CDH11: variants seen among roughly 807,000 people sequenced by gnomAD.
CDH11 encodes the protein cadherin-11.
CDH11 carries 11 observed loss-of-function variants against 67.8 expected under a neutral mutation model. The ratio of observed to expected loss-of-function variants is 0.16; its 90% CI spans 0.10 to 0.27. The LOEUF is 0.27. Among genes scored for constraint, CDH11 ranks in the 10% least tolerant of loss-of-function variants. The pLI is 1.00. For synonymous variants in CDH11, 419 were observed against 400.0 expected, an observed-to-expected ratio of 1.05 and a Z score of -0.57; for missense variants, 847 against 1,031.2, an observed-to-expected ratio of 0.82 and a Z score of 2.45.
intron 2 of CDH11, among the ~76,000 whole-genome samples, chr16:65,041,841 T>C (rs1228078660): frequency 6.6e-6 from 1 of 152,216 alleles, no homozygotes; most frequent in Non-Finnish European, 1.5e-5. Flanking sequence ...AAAAGGCCCA[T>C]GCTAATGCAC....
chr16:64,992,456 A>G (rs889175578), intron 5 of CDH11, among the ~76,000 whole-genome samples: 31 of 152,260 alleles, frequency 2.0e-4, no homozygotes, highest in Non-Finnish European at 2.2e-4. Context: ...CATACTGTCT[A>G]TTATCACCTG....
intron 1 of CDH11, among the ~76,000 whole-genome samples, chr16:65,100,307 G>A (rs1055009534): frequency 5.3e-5 from 8 of 151,866 alleles, no homozygotes; most frequent in African/African-American, 1.9e-4. Context: ...GATCATCTGA[G>A]GCAACAAATG....
intron 1 of CDH11, among the ~76,000 whole-genome samples, chr16:65,095,337 G>A (rs866370136): frequency 1.1e-4 from 16 of 152,074 alleles, no homozygotes; most frequent in African/African-American, 2.9e-4. Flanking sequence ...TGTGCTTTAC[G>A]TTACTTAACA....
intron 7 of CDH11, chr16:64,983,270 TA>T (rs2072402686): frequency 6.6e-6 from 1 of 152,104 alleles, no homozygotes; most frequent in African/African-American, 2.4e-5. Context: ...GCTGTAGTTA[TA>T]GGGAAATTGA....
At chr16:65,106,256 G>C (rs2075063826) in intron 1 of CDH11, among the ~76,000 whole-genome samples, 1 of 152,180 alleles carries the variant, frequency 6.6e-6, no homozygotes, top group African/African-American at 2.4e-5. Flanking sequence ...GTCCACACAA[G>C]AGGAGTGAGT....
intron 2 of CDH11, among the ~76,000 whole-genome samples, chr16:65,031,646 C>T (rs1316917262): frequency 6.6e-6 from 1 of 152,084 alleles, no homozygotes; most frequent in African/African-American, 2.4e-5. Context: ...TGTGAAAACA[C>T]AGGGCTTGCT....
chr16:65,035,406 G>GTA (rs1376492988), intron 2 of CDH11, among the ~76,000 whole-genome samples: 15 of 152,220 alleles, frequency 9.9e-5, no homozygotes, highest in Non-Finnish European at 1.8e-4. Flanking sequence ...CGCAGTGGAA[G>GTA]TATAGCCTGT....
intron 2 of CDH11, among the ~76,000 whole-genome samples, chr16:65,014,280 G>A (rs375882189): frequency 1.3e-5 from 2 of 151,780 alleles, no homozygotes; most frequent in Non-Finnish European, 2.9e-5. Flanking sequence ...TGTCAGTCAC[G>A]TGTAATTTTA....
intron 1 of CDH11, among the ~76,000 whole-genome samples, chr16:65,096,229 C>T (rs1017737329): frequency 3.3e-5 from 5 of 152,124 alleles, no homozygotes; most frequent in African/African-American, 9.7e-5. Context: ...GTCTCTCCCT[C>T]ATCAGACACA....
intron 1 of CDH11, among the ~76,000 whole-genome samples, chr16:65,108,180 C>A (rs981064261): frequency 9.2e-5 from 14 of 152,128 alleles, no homozygotes; most frequent in Non-Finnish European, 1.8e-4. Context: ...GCAGCTACAA[C>A]GATGCCTCAG....
chr16:64,998,208 G>A (rs926071481), intron 4 of CDH11, among the ~76,000 whole-genome samples: 10 of 152,122 alleles, frequency 6.6e-5, no homozygotes, highest in Admixed American at 6.5e-5. Context: ...TGTGAAATAC[G>A]GTGAGTTGGA....
At chr16:65,053,279 G>A (rs1285122712) in intron 2 of CDH11, among the ~76,000 whole-genome samples, 1 of 152,134 alleles carries the variant, frequency 6.6e-6, no homozygotes, top group African/African-American at 2.4e-5. Flanking sequence ...TCCAGTAAAT[G>A]GCTTATTAAT....
intron 1 of CDH11, among the ~76,000 whole-genome samples, chr16:65,110,380 G>A (rs2075135528): frequency 6.6e-6 from 1 of 152,168 alleles, no homozygotes. Flanking sequence ...ATAGACTCTG[G>A]GCAGCACAGT....
intron 12 of CDH11, 47 bp from the exon 13 acceptor site, chr16:64,948,146 C>T (rs763478486): frequency 2.5e-6 from 4 of 1,569,030 alleles, no homozygotes; most frequent in Non-Finnish European, 3.4e-6. Flanking sequence ...GTCCAGTATT[C>T]CTGGGTTCTT....
chr16:65,008,102 T>C (rs575462132), intron 2 of CDH11, among the ~76,000 whole-genome samples: 38 of 152,258 alleles, frequency 2.5e-4, no homozygotes, highest in Admixed American at 4.6e-4. Flanking sequence ...TTAAAGTTGA[T>C]ATTTCTTCAC....
rs148319894 is a variant in CDH11 at position 64,949,179 on chromosome 16, C to A, written c.1895-1080G>T. Among the ~76,000 whole-genome samples the A allele has an allele frequency of 5.9e-5, 9 of 152,300 alleles. No individual in the cohort carries two copies. In the East Asian group the frequency reaches 1.7e-3, roughly 29 times the overall value. Reference sequence around the variant, plus strand: ...CTGACACCAGACAGGACTACTGGCACCTTTTTCATGCACCAGCCTGGCCCC... The same window carrying A: ...CTGACACCAGACAGGACTACTGGCAACTTTTTCATGCACCAGCCTGGCCCC... On this transcript the variant is annotated intron_variant, in intron 12 of 12. Coordinates refer to ENST00000268603, the MANE Select transcript of CDH11 (RefSeq NM_001797.4).
At chr16:65,008,565 G>A (rs1444016562) in intron 2 of CDH11, among the ~76,000 whole-genome samples, 5 of 152,052 alleles carry the variant, frequency 3.3e-5, no homozygotes, top group Admixed American at 6.6e-5. Context: ...TTATGAATAG[G>A]AGCCATGAAT....
intron 1 of CDH11, among the ~76,000 whole-genome samples, chr16:65,086,084 CCT>C (rs142337957): frequency 0.042 from 6,349 of 152,220 alleles, 171 homozygotes; most frequent in Non-Finnish European, 0.056. Context: ...AGAACCATTC[CCT>C]GTTTCAAAGG....
chr16:64,947,629 T>C lies in CDH11; in HGVS notation c.2365A>G (p.Lys789Glu), dbSNP rs2071227879. The C allele has an allele frequency of 1.2e-6, 2 of 1,613,250 alleles. No homozygotes were observed. Among genetic ancestry groups the C allele is most frequent in the African/African-American group, 1.3e-5 (1 of 74,870 alleles). The change falls in exon 13 of 13, where the codon AAA (lysine) becomes GAA (glutamate). Residue 789 changes from lysine to glutamate, a missense_variant. Around this residue, in one of 2 missense-constraint regions of CDH11, gnomAD observed 612 missense variants for 678.7 expected, o/e 0.90. Coordinates refer to ENST00000268603, the MANE Select transcript of CDH11 (RefSeq NM_001797.4). ...FKKLADLYGS[K>E]DTFDDDS The stretch of plus-strand genomic sequence containing the variant: ...TAAGAATCGTCATCAAAAGTGTCTT[T>C]GGAACCATACAAATCTGCTAGTTTC...
Sources: allele counts gnomAD v4.1 joint callset (sites outside exome capture counted in the v4.1 genomes callset), GRCh38; gene constraint gnomAD v4.1.1; regional missense constraint gnomAD v4.1.1; transcripts MANE v1.5; gene names NCBI Gene and HGNC (gene_info 2026-07-23, HGNC 2026-07-21).